ANO6: variants seen among roughly 807,000 people sequenced by gnomAD.
ANO6 encodes the protein anoctamin-6.
Under a neutral mutation model 117.5 loss-of-function variants are expected in ANO6, and 106 were observed. The observed-to-expected ratio is 0.90, with a 90% CI of 0.77 to 1.06. The LOEUF (loss-of-function observed/expected upper bound fraction) is 1.06, where lower values mean the gene tolerates loss of function less well. ANO6 is among the 50% of genes least tolerant of loss of function. The pLI, the probability that ANO6 is intolerant of heterozygous loss-of-function variation, is 0.00. For missense variants in ANO6, 955 were observed against 1,121.1 expected, an observed-to-expected ratio of 0.85 and a Z score of 2.12; for synonymous variants, 367 against 385.1, an observed-to-expected ratio of 0.95 and a Z score of 0.55.
chr12:45,430,964 G>T lies in ANO6; in HGVS notation c.*1653G>T. The T allele has an allele frequency of 1.4e-5, 14 of 985,412 alleles. No homozygotes were observed. The highest frequency in any genetic ancestry group is 1.7e-5 in the Non-Finnish European group (14 of 829,928). The allele number at this position is 985,412 out of a possible 1,614,324, so 61.0% of individuals were successfully genotyped here. On this transcript the variant is annotated 3_prime_UTR_variant, in exon 20 of 20. Coordinates refer to ENST00000320560, the MANE Select transcript of ANO6 (RefSeq NM_001025356.3). ...ACCTATCAGAATCCCAGCAGCAAAG[G>T]AAAACTCAGATTTTAGAGGCTTTTT...
chr12:45,361,180 A>G (rs917623831), intron 8 of ANO6, among the ~76,000 whole-genome samples: 1 of 150,822 alleles, frequency 6.6e-6, no homozygotes, highest in Non-Finnish European at 1.5e-5. Context: ...TGAACACAGG[A>G]TGTCTTTTCA....
rs1943584832 is a variant in ANO6 at position 45,429,499 on chromosome 12, T to C, written c.*188T>C. On this transcript the variant is annotated 3_prime_UTR_variant, in exon 20 of 20. Transcript: ENST00000320560. ...ACTGGAAAATGTAAAACTTAGATCATGAAGGGCATAAAACTTATCACCCGG... is the reference window on the plus strand; with the variant it reads ...ACTGGAAAATGTAAAACTTAGATCACGAAGGGCATAAAACTTATCACCCGG... The C allele has an allele frequency of 1.4e-6, 2 of 1,417,390 alleles. No individual in the cohort carries two copies. The highest frequency in any genetic ancestry group is 1.5e-5 in the South Asian group (1 of 66,572). The allele number at this position is 1,417,390 out of a possible 1,614,324, so 87.8% of individuals were successfully genotyped here. A position where few individuals can be genotyped will look rare whatever the true frequency, so the allele number is the denominator to read the frequency against.
intron 8 of ANO6, among the ~76,000 whole-genome samples, chr12:45,361,216 A>C (rs1052980102): frequency 6.6e-6 from 1 of 152,090 alleles, no homozygotes; most frequent in Admixed American, 6.5e-5. Flanking sequence ...CATTTCTATC[A>C]ACAATATTTT....
intron 15 of ANO6, among the ~76,000 whole-genome samples, chr12:45,406,758 G>C (rs1942945388): frequency 1.3e-5 from 2 of 152,138 alleles, no homozygotes; most frequent in Non-Finnish European, 2.9e-5. Flanking sequence ...AATAGATTCA[G>C]ATAGTGAAGG....
intron 1 of ANO6, among the ~76,000 whole-genome samples, chr12:45,300,495 G>A (rs561327713): frequency 6.6e-6 from 1 of 152,246 alleles, no homozygotes; most frequent in African/African-American, 2.4e-5. Flanking sequence ...ATTTTTTATA[G>A]TTTTATACTT....
intron 1 of ANO6, among the ~76,000 whole-genome samples, chr12:45,236,002 A>G (rs1252484179): frequency 1.3e-5 from 2 of 152,192 alleles, no homozygotes; most frequent in African/African-American, 4.8e-5. Context: ...TGGAAGTGAA[A>G]GAGGCTACAT....
intron 2 of ANO6, among the ~76,000 whole-genome samples, chr12:45,322,136 T>C (rs542124462): frequency 1.3e-5 from 2 of 152,206 alleles, no homozygotes; most frequent in South Asian, 2.1e-4. Context: ...ATGGTTTTGA[T>C]CTTGCAGGTT....
At chr12:45,231,396 A>G (rs931731951) in intron 1 of ANO6, among the ~76,000 whole-genome samples, 1 of 152,224 alleles carries the variant, frequency 6.6e-6, no homozygotes, top group Non-Finnish European at 1.5e-5. Flanking sequence ...ACCAAATGTT[A>G]GAACTTAAAC....
At chr12:45,293,042 G>T in intron 1 of ANO6, 2 of 1,449,882 alleles carry the variant, frequency 1.4e-6, no homozygotes, top group Non-Finnish European at 9.3e-7. Context: ...ATGAGTATTT[G>T]GTCTTGAAGG....
At chr12:45,321,395 G>A (rs1255881132) in intron 2 of ANO6, among the ~76,000 whole-genome samples, 1 of 152,050 alleles carries the variant, frequency 6.6e-6, no homozygotes, top group Non-Finnish European at 1.5e-5. Flanking sequence ...GCTTAGGTCA[G>A]TTGGAAGGTA....
chr12:45,301,596 GAC>G (rs1441784956), intron 1 of ANO6, among the ~76,000 whole-genome samples: 11 of 148,214 alleles, frequency 7.4e-5, no homozygotes, highest in Non-Finnish European at 1.6e-4. Flanking sequence ...CAGCCTGGGT[GAC>G]AGAGTGAGAC....
chr12:45,254,947 CA>C (rs572821476), intron 1 of ANO6, among the ~76,000 whole-genome samples: 274 of 152,220 alleles, frequency 1.8e-3, no homozygotes, highest in Non-Finnish European at 2.0e-3. Context: ...AGCTTTGATT[CA>C]AAATTTTAAC....
intron 1 of ANO6, among the ~76,000 whole-genome samples, chr12:45,238,407 T>C (rs933221840): frequency 1.3e-5 from 2 of 152,118 alleles, no homozygotes; most frequent in African/African-American, 4.8e-5. Flanking sequence ...TGCCTCAGCC[T>C]CCCAAAGTGC....
intron 10 of ANO6, among the ~76,000 whole-genome samples, chr12:45,383,581 C>T (rs2137562142): frequency 6.6e-6 from 1 of 152,280 alleles, no homozygotes; most frequent in Middle Eastern, 3.4e-3. Context: ...CTATGGGCTG[C>T]AGAACGGATG....
chr12:45,324,103 A>G (rs538657334), intron 2 of ANO6, among the ~76,000 whole-genome samples: 5 of 151,852 alleles, frequency 3.3e-5, no homozygotes, highest in Admixed American at 3.3e-4. Context: ...ACGCCTGGCT[A>G]ATTTTGTATT....
intron 10 of ANO6, among the ~76,000 whole-genome samples, chr12:45,382,966 A>T (rs920518846): frequency 6.6e-6 from 1 of 152,182 alleles, no homozygotes; most frequent in Non-Finnish European, 1.5e-5. Context: ...GAAGTTTGCC[A>T]CATCAGTGGA....
intron 2 of ANO6, among the ~76,000 whole-genome samples, chr12:45,323,119 T>C (rs182089730): frequency 7.6e-4 from 116 of 152,318 alleles, no homozygotes; most frequent in African/African-American, 2.6e-3. Flanking sequence ...GTCTTACGTC[T>C]TCTTTTGAAA....
rs755293132 is a variant in ANO6, at chr12:45,301,998, A to G, written c.71-16A>G. 6.2e-6 allele frequency: 10 copies of G among 1,611,124 alleles called. No homozygotes were observed. In the East Asian group the frequency reaches 6.7e-5, roughly 11 times the overall value. On this transcript the variant is annotated splice_polypyrimidine_tract_variant and intron_variant, in intron 1 of 19. Coordinates refer to ENST00000320560, the MANE Select transcript of ANO6 (RefSeq NM_001025356.3). The stretch of plus-strand genomic sequence containing the variant: ...AGGTTCATGCTTCATTTGTTTATAT[A>G]TTCATTCGTTTTTAGTGTTGGAAAA...
chr12:45,336,795 A>T (rs1940838364), intron 3 of ANO6, among the ~76,000 whole-genome samples: 1 of 152,128 alleles, frequency 6.6e-6, no homozygotes, highest in East Asian at 1.9e-4. Flanking sequence ...AAAAATAAAT[A>T]AAAAAAGGAA....
Sources: allele counts gnomAD v4.1 joint callset (sites outside exome capture counted in the v4.1 genomes callset), GRCh38; gene constraint gnomAD v4.1.1; transcripts MANE v1.5; gene names NCBI Gene and HGNC (gene_info 2026-07-23, HGNC 2026-07-21).